Variants in GALNT5 observed in about 807,000 individuals in gnomAD.
GALNT5 encodes polypeptide N-acetylgalactosaminyltransferase 5.
GALNT5 carries 72 observed loss-of-function variants against 85.4 expected under a neutral mutation model. The observed-to-expected ratio is 0.84, with a 90% confidence interval of 0.70 to 1.03. GALNT5 has a LOEUF of 1.03. GALNT5 is among the 50% of genes least tolerant of loss of function. GALNT5 has a pLI of 0.00. For missense variants in GALNT5, 1,137 were observed against 1,135.5 expected, an observed-to-expected ratio of 1.00 and a Z score of -0.02; for synonymous variants, 404 against 397.0, an observed-to-expected ratio of 1.02 and a Z score of -0.21.
At chr2:157,286,893 A>AGTGTGTGTGTGTGTGT (rs3072178) in intron 3 of GALNT5, among the ~76,000 whole-genome samples, 41 of 135,896 alleles carry the variant, frequency 3.0e-4, no homozygotes, top group African/African-American at 1.0e-3. Flanking sequence ...TTTAAATACC[A>AGTGTGTGTGTGTGTGT]GTGTGTGTGT....
intron 8 of GALNT5, among the ~76,000 whole-genome samples, chr2:157,306,990 A>G (rs950409443): frequency 8.5e-5 from 12 of 141,280 alleles, no homozygotes; most frequent in Admixed American, 3.0e-4. Flanking sequence ...ATTATATGAA[A>G]GGAAAGTATT....
intron 1 of GALNT5, among the ~76,000 whole-genome samples, chr2:157,261,540 C>T (rs938186333): frequency 6.6e-6 from 1 of 152,196 alleles, no homozygotes; most frequent in African/African-American, 2.4e-5. Context: ...TCACATAACC[C>T]ACCTTGGCTA....
chr2:157,280,878 T>C (rs1309318105), intron 1 of GALNT5, among the ~76,000 whole-genome samples: 2 of 152,128 alleles, frequency 1.3e-5, no homozygotes, highest in African/African-American at 4.8e-5. Flanking sequence ...TTACTGTCTC[T>C]TGCTTGCTCT....
rs772769659 is a variant in GALNT5 at position 157,284,448 on chromosome 2, G to A, written c.1621G>A (p.Asp541Asn). 25 of 1,613,074 alleles carry A rather than the reference G, an allele frequency of 1.5e-5. No individual in the cohort carries two copies. In the Middle Eastern group the frequency reaches 2.6e-3, roughly 170 times the overall value. The change falls in exon 2 of 10, where the codon GAC (aspartate) becomes AAC (asparagine). Residue 541 changes from aspartate (D) to asparagine (N), a missense_variant and splice_region_variant. Asp to Asn is a conservative substitution (Grantham distance 23, BLOSUM62 1). Coordinates refer to ENST00000259056, the MANE Select transcript of GALNT5 (RefSeq NM_014568.3). ...GCTGGTAGATGACTTCAGCACCAAA[G>A]GTAAGAAAACCACTCAGGCTATCTC... is the stretch of plus-strand genomic sequence containing the variant. ...ILLVDDFSTK[D>N]YLKDNLDKYM...
chr2:157,295,621 T>C, intron 3 of GALNT5, 42 bp from the exon 4 acceptor site: 1 of 1,540,284 alleles, frequency 6.5e-7, no homozygotes, highest in South Asian at 1.1e-5. Flanking sequence ...ACATTCAATA[T>C]ATCGTATTTT....
chr2:157,294,784 C>CCACACA (rs60607353), intron 3 of GALNT5, among the ~76,000 whole-genome samples: 31 of 147,028 alleles, frequency 2.1e-4, no homozygotes, highest in African/African-American at 4.3e-4. Context: ...TCACATCACA[C>CCACACA]CACACACACA....
chr2:157,288,978 T>C (rs1683035402), intron 3 of GALNT5, among the ~76,000 whole-genome samples: 1 of 152,132 alleles, frequency 6.6e-6, no homozygotes, highest in South Asian at 2.1e-4. Flanking sequence ...TCTGAACAAC[T>C]TGGTGGGTGG....
Position 157,299,553 on chromosome 2 carries a change from C to G in GALNT5, c.2003C>G (p.Pro668Arg), listed in dbSNP as rs1249282719. 3 of 1,592,912 alleles carry G rather than the reference C, an allele frequency of 1.9e-6. No individual in the cohort carries two copies. Among genetic ancestry groups the G allele is most frequent in the Non-Finnish European group, 2.6e-6 (3 of 1,162,888 alleles). The change falls in exon 6 of 10, where the codon CCT becomes CGT. Residue 668 changes from proline (P) to arginine (R), a missense_variant. Pro to Arg is a moderately radical substitution (Grantham distance 103, BLOSUM62 -2). Coordinates refer to ENST00000259056, the MANE Select transcript of GALNT5 (RefSeq NM_014568.3). ...ACAAACTTTTCTTTTTGTAGGTGCC[C>G]TGTCATGGCTGGTGGATTGTTTTCT... Reference protein sequence around the residue: ...RIKETDTIRCPVMAGGLFSID... With the variant: ...RIKETDTIRCRVMAGGLFSID...
At chr2:157,304,458 G>A (rs1683411077) in intron 7 of GALNT5, among the ~76,000 whole-genome samples, 1 of 152,178 alleles carries the variant, frequency 6.6e-6, no homozygotes, top group African/African-American at 2.4e-5. Flanking sequence ...CAAGGCAGGT[G>A]GTGTAAATAT....
At chr2:157,280,912 C>T (rs1160725888) in intron 1 of GALNT5, among the ~76,000 whole-genome samples, 1 of 152,192 alleles carries the variant, frequency 6.6e-6, no homozygotes, top group Non-Finnish European at 1.5e-5. Flanking sequence ...CCTGCTCCCA[C>T]TTCGTCTTCT....
At position 157,258,762 on chromosome 2, in the gene GALNT5, C is replaced by A. The variant is rs1203162366; in HGVS notation, c.680C>A (p.Pro227Gln). The A allele has an allele frequency of 1.9e-6, 3 of 1,611,548 alleles. No homozygotes were observed. In the South Asian group the frequency reaches 3.3e-5, roughly 18 times the overall value. Reference sequence around the variant, plus strand: ...ACCATCAGTCTTAGTACTGATAGACCAAAGCAGCGATCACAGGCAGTAGCA... The same window carrying A: ...ACCATCAGTCTTAGTACTGATAGACAAAAGCAGCGATCACAGGCAGTAGCA... The part of the protein sequence containing the change: ...NVTISLSTDR[P>Q]KQRSQAVANE... Residue 227 changes from proline to glutamine, a missense_variant, in exon 1 of 10, where the codon CCA becomes CAA. Physicochemically the swap from Pro to Gln is moderately conservative, Grantham distance 76 (BLOSUM62 -1). Coordinates refer to ENST00000259056, the MANE Select transcript of GALNT5 (RefSeq NM_014568.3).
chr2:157,279,539 C>T (rs181954054), intron 1 of GALNT5, among the ~76,000 whole-genome samples: 376 of 152,348 alleles, frequency 2.5e-3, no homozygotes, highest in African/African-American at 8.0e-3. Context: ...CGTCCCTCCC[C>T]GAGCCAGGCT....
chr2:157,276,329 C>A (rs1004228241), intron 1 of GALNT5, among the ~76,000 whole-genome samples: 23 of 152,168 alleles, frequency 1.5e-4, no homozygotes, highest in Non-Finnish European at 2.9e-5. Flanking sequence ...CAGGATGATG[C>A]TGGCCTCATA....
chr2:157,267,211 C>A (rs1304913407), intron 1 of GALNT5, among the ~76,000 whole-genome samples: 6 of 152,048 alleles, frequency 3.9e-5, no homozygotes, highest in Admixed American at 3.9e-4. Context: ...AAAGGATGAT[C>A]CATTGAGAAA....
rs1318145312 is a variant in GALNT5, at chr2:157,314,264, T to C, written c.*2916T>C. 6.6e-6 allele frequency: 1 copy of C among 151,494 alleles called. No individual in the cohort carries two copies. Among genetic ancestry groups the C allele is most frequent in the Non-Finnish European group, 1.5e-5 (1 of 67,948 alleles). 9.4% of individuals were successfully genotyped at this position (151,494 alleles called of 1,614,324 possible). ...CTTGTTACCTTGAATACAAGGGTGG[T>C]CTTGATAATATTTGACAGCACTAAC... On this transcript the variant is annotated 3_prime_UTR_variant, in exon 10 of 10. Coordinates refer to ENST00000259056, the MANE Select transcript of GALNT5 (RefSeq NM_014568.3).
chr2:157,281,217 A>G (rs1682847858), intron 1 of GALNT5, among the ~76,000 whole-genome samples: 1 of 152,146 alleles, frequency 6.6e-6, no homozygotes, highest in Non-Finnish European at 1.5e-5. Flanking sequence ...GGCACCCGCA[A>G]CGATGCCCAG....
At chr2:157,274,751 T>C (rs961743217) in intron 1 of GALNT5, among the ~76,000 whole-genome samples, 1 of 152,242 alleles carries the variant, frequency 6.6e-6, no homozygotes. Flanking sequence ...GATGGGTAGA[T>C]TGCAAAAATT....
rs1057482456 is a variant in GALNT5 at position 157,314,149 on chromosome 2, G to A, written c.*2801G>A. ...TAATCAGCACTGAATTCTTCAATAG[G>A]AGGCTGTGTTACAGGAGCTACAGAT... On this transcript the variant is annotated 3_prime_UTR_variant, in exon 10 of 10. Transcript: ENST00000259056. 2.6e-5 allele frequency: 4 copies of A among 151,736 alleles called. No individual in the cohort carries two copies. The South Asian group carries it at 6.3e-4, about 24-fold the overall frequency. 9.4% of individuals were successfully genotyped at this position (151,736 alleles called of 1,614,324 possible). A position where few individuals can be genotyped will look rare whatever the true frequency, so the allele number is the denominator to read the frequency against.
chr2:157,282,596 T>C (rs1377141928), intron 1 of GALNT5, among the ~76,000 whole-genome samples: 1 of 152,198 alleles, frequency 6.6e-6, no homozygotes, highest in East Asian at 1.9e-4. Context: ...AATGTTTATA[T>C]GTAATCTTAT....
Sources: allele counts gnomAD v4.1 joint callset (sites outside exome capture counted in the v4.1 genomes callset), GRCh38; gene constraint gnomAD v4.1.1; transcripts MANE v1.5; gene names NCBI Gene and HGNC (gene_info 2026-07-23, HGNC 2026-07-21).